The following RAD17 variants were observed in gnomAD, a reference collection of about 807,000 sequenced individuals.
RAD17 encodes cell cycle checkpoint protein RAD17.
In RAD17, 31 loss-of-function variants were observed where a neutral mutation model predicts 81.5. That is an observed-to-expected ratio of 0.38 (90% CI 0.29 to 0.51). The LOEUF (loss-of-function observed/expected upper bound fraction) is 0.51. RAD17 is among the 20% of genes least tolerant of loss of function. RAD17 has a pLI of 0.88. For missense variants in RAD17, 681 were observed against 781.2 expected (o/e 0.87, Z 1.53); for synonymous variants, 261 against 266.2 (o/e 0.98, Z 0.19).
At chr5:69,403,289 T>C in intron 17 of RAD17, among the ~76,000 whole-genome samples, 1 of 152,238 alleles carries the variant, frequency 6.6e-6, no homozygotes, top group Non-Finnish European at 1.5e-5. Context: ...TCCATGACAT[T>C]TTAGAGGGAT....
At chr5:69,404,566 G>C (rs148156116) in intron 17 of RAD17, among the ~76,000 whole-genome samples, 2 of 152,040 alleles carry the variant, frequency 1.3e-5, no homozygotes, top group Admixed American at 6.6e-5. Context: ...TCAGGAGATC[G>C]AGACCAGCCT....
rs970985531 is a variant in RAD17 at position 69,372,093 on chromosome 5, A to T, written c.-116A>T. 1 of 1,436,056 alleles carries T rather than the reference A, an allele frequency of 7.0e-7. No homozygotes were observed. Among genetic ancestry groups the T allele is most frequent in the African/African-American group, 1.4e-5 (1 of 69,114 alleles). 89.0% of individuals were successfully genotyped at this position (1,436,056 alleles called of 1,614,324 possible). ...CTATAAAATGTATAAATAATTTGCA[A>T]ATCAGAATTGCTGTCGAAAGTTTTA... is the stretch of plus-strand genomic sequence containing the variant. On this transcript the variant is annotated 5_prime_UTR_variant, in exon 4 of 19. Transcript: ENST00000354868.
chr5:69,369,865 G>T lies in RAD17; in HGVS notation c.-485G>T, dbSNP rs904960280. On this transcript the variant is annotated 5_prime_UTR_variant, in exon 1 of 19. Coordinates refer to ENST00000354868, the MANE Select transcript of RAD17 (RefSeq NM_133338.3). ...TGAGCCCGGGTAGGGCCAGGTGGCT[G>T]CCCTTTCACCTAGGGTAGTCCCTGG... is the stretch of plus-strand genomic sequence containing the variant. The T allele has an allele frequency of 1.5e-6, 1 of 689,220 alleles. No homozygotes were observed. The highest frequency in any genetic ancestry group is 2.4e-6 in the Non-Finnish European group (1 of 408,190). 42.7% of individuals were successfully genotyped at this position (689,220 alleles called of 1,614,324 possible).
At chr5:69,388,042 C>G (rs1261030696) in intron 11 of RAD17, among the ~76,000 whole-genome samples, 1 of 152,108 alleles carries the variant, frequency 6.6e-6, no homozygotes, top group Non-Finnish European at 1.5e-5. Flanking sequence ...TCTACATTCT[C>G]TACTATAAGC....
intron 18 of RAD17, 31 bp downstream of exon 18, chr5:69,410,581 T>G (rs201516703): frequency 1.9e-6 from 3 of 1,594,746 alleles, no homozygotes; most frequent in Non-Finnish European, 2.6e-6. Flanking sequence ...TCCAAAAAGC[T>G]GATAATGAAA....
Position 69,414,531 on chromosome 5 carries a change from G to GCGAC in RAD17, c.*241_*242insACCG, listed in dbSNP as rs1766259891. The GCGAC allele has an allele frequency of 1.5e-5, 9 of 581,506 alleles. No homozygotes were observed. The South Asian group carries it at 1.8e-4, about 11-fold the overall frequency. The allele number at this position is 581,506 out of a possible 1,614,324, so 36.0% of individuals were successfully genotyped here. Reference sequence around the variant, plus strand: ...ATTAAATCTGTGAGTGGTTTAAGGAGCGGTCAGTGTGTATAAAGTGTGTTT... The same window carrying GCGAC: ...ATTAAATCTGTGAGTGGTTTAAGGAGCGACCGGTCAGTGTGTATAAAGTGTGTTT... On this transcript the variant is annotated 3_prime_UTR_variant, in exon 19 of 19. Coordinates refer to ENST00000354868, the MANE Select transcript of RAD17 (RefSeq NM_133338.3).
chr5:69,399,873 T>TA (rs1012706643), intron 16 of RAD17, among the ~76,000 whole-genome samples, 176 bp from the exon 17 acceptor site: 1 of 152,080 alleles, frequency 6.6e-6, no homozygotes, highest in Non-Finnish European at 1.5e-5. Context: ...TAAACGATGC[T>TA]AAAAAAACTA....
intron 7 of RAD17, 101 bp downstream of exon 7, chr5:69,382,158 G>A: frequency 7.5e-7 from 1 of 1,328,332 alleles, no homozygotes; most frequent in East Asian, 2.5e-5. Context: ...CATACTTCTT[G>A]CTTTCAGAGG....
upstream of RAD17, chr5:69,369,467 G>A (rs776525410): frequency 2.5e-6 from 4 of 1,610,930 alleles, no homozygotes; most frequent in South Asian, 2.2e-5. Context: ...CCTGACCGGT[G>A]AGCAGGATGT....
chr5:69,412,045 C>G (rs1160811268), intron 18 of RAD17, among the ~76,000 whole-genome samples: 2 of 152,172 alleles, frequency 1.3e-5, no homozygotes, highest in African/African-American at 2.4e-5. Context: ...CAAGCTCCAC[C>G]TTCTGGGCTC....
intron 1 of RAD17, 151 bp from the exon 2 acceptor site, chr5:69,370,884 T>C (rs1762927672): frequency 4.3e-6 from 1 of 234,148 alleles, no homozygotes; most frequent in Non-Finnish European, 8.7e-6. Flanking sequence ...TTCTTCTGGC[T>C]AACTTAAAAT....
At chr5:69,385,088 T>C (rs1659754321) in intron 8 of RAD17, among the ~76,000 whole-genome samples, 155 bp downstream of exon 8, 3 of 148,166 alleles carry the variant, frequency 2.0e-5, no homozygotes, top group African/African-American at 7.5e-5. Flanking sequence ...GCCTCCGGAG[T>C]AGCTGGGACT....
At chr5:69,393,058 G>A in intron 13 of RAD17, 97 bp from the exon 14 acceptor site, 1 of 690,516 alleles carries the variant, frequency 1.4e-6, no homozygotes, top group Non-Finnish European at 2.4e-6. Context: ...TACTATGTTG[G>A]TATTGTATGT....
intron 4 of RAD17, among the ~76,000 whole-genome samples, chr5:69,372,731 C>T (rs1171766735): frequency 2.0e-5 from 3 of 152,058 alleles, no homozygotes; most frequent in Admixed American, 2.0e-4. Flanking sequence ...CCCACCTTAG[C>T]CCCCCAAGTA....
intron 2 of RAD17, 59 bp downstream of exon 2, chr5:69,371,230 C>A (rs1762958081): frequency 3.8e-6 from 2 of 529,848 alleles, no homozygotes; most frequent in African/African-American, 2.0e-5. Flanking sequence ...TCATTGAGTT[C>A]ATGTGAAAAA....
At chr5:69,403,452 C>G (rs1322169623) in intron 17 of RAD17, among the ~76,000 whole-genome samples, 1 of 152,174 alleles carries the variant, frequency 6.6e-6, no homozygotes. Context: ...TTCTGACCAA[C>G]AGATTCATCA....
At chr5:69,378,091 T>C (rs1453842562) in intron 6 of RAD17, among the ~76,000 whole-genome samples, 1 of 152,196 alleles carries the variant, frequency 6.6e-6, no homozygotes, top group Non-Finnish European at 1.5e-5. Context: ...AGCCACACCA[T>C]GCCTGGCCCA....
At position 69,414,157 on chromosome 5, in the gene RAD17, G is replaced by T; in HGVS notation, c.1878G>T (p.Val626=). 1 of 1,614,228 alleles carries T rather than the reference G, an allele frequency of 6.2e-7. No homozygotes were observed. Among genetic ancestry groups the T allele is most frequent in the Non-Finnish European group, 8.5e-7 (1 of 1,180,050 alleles). The change falls in exon 19 of 19, where the codon GTG becomes GTT. Residue 626 remains valine (V), a synonymous_variant. Coordinates refer to ENST00000354868, the MANE Select transcript of RAD17 (RefSeq NM_133338.3). ...ESLGEPTQAT[V]PETWSLPLSQ... is the part of the protein sequence containing the mutation. ...TGGGTGAACCCACTCAAGCCACTGT[G>T]CCGGAAACCTGGTCTCTTCCTTTGA...
chr5:69,377,472 TATAC>T lies in RAD17; in HGVS notation c.351+2763_351+2766del, dbSNP rs1371656087. On this transcript the variant is annotated intron_variant, in intron 6 of 18. Coordinates refer to ENST00000354868, the MANE Select transcript of RAD17 (RefSeq NM_133338.3). ...ATATATATATATATATATATATATA[TATAC>T]ACACACACACATATATATACGTATA... is the stretch of plus-strand genomic sequence containing the variant. 4.6e-4 allele frequency among the ~76,000 whole-genome samples: 3 copies of T among 6,454 alleles called. 1 individual carries two copies. Among genetic ancestry groups the T allele is most frequent in the African/African-American group, 5.7e-4 (3 of 5,218 alleles). 4.2% of individuals were successfully genotyped at this position (6,454 alleles called of 152,430 possible).
Sources: gnomAD v4.1 joint callset for allele counts (sites outside exome capture counted in the v4.1 genomes callset) on GRCh38, gnomAD v4.1.1 for gene constraint, MANE v1.5 for transcripts, NCBI Gene and HGNC (gene_info 2026-07-23, HGNC 2026-07-21) for gene names.